The following TMEM108 variants were observed in gnomAD, a reference collection of about 807,000 sequenced individuals.
TMEM108 encodes the protein transmembrane protein 108, also known as cancer/testis antigen 124.
A neutral mutation model predicts 35.1 loss-of-function variants in TMEM108; 12 were observed. The ratio of observed to expected loss-of-function variants is 0.34; its 90% CI spans 0.22 to 0.55. The LOEUF is 0.55. Among genes scored for constraint, TMEM108 ranks in the 20% least tolerant of loss-of-function variants. The pLI, the probability that TMEM108 is intolerant of heterozygous loss-of-function variation, is 0.89. For missense variants in TMEM108, 680 were observed against 753.3 expected, an observed-to-expected ratio of 0.90 and a Z score of 1.14; for synonymous variants, 287 against 308.6, an observed-to-expected ratio of 0.93 and a Z score of 0.73.
At chr3:133,360,823 A>C (rs906087549) in intron 3 of TMEM108, among the ~76,000 whole-genome samples, 1 of 152,242 alleles carries the variant, frequency 6.6e-6, no homozygotes, top group African/African-American at 2.4e-5. Context: ...CCAGTGGGCT[A>C]TCTCCAGTTT....
chr3:133,393,502 G>A (rs1254763348), intron 5 of TMEM108, among the ~76,000 whole-genome samples: 1 of 152,172 alleles, frequency 6.6e-6, no homozygotes, highest in East Asian at 1.9e-4. Context: ...TATAAATGTT[G>A]TTCACCACAA....
intron 2 of TMEM108, among the ~76,000 whole-genome samples, chr3:133,130,392 G>T (rs1944475028): frequency 6.6e-6 from 1 of 152,200 alleles, no homozygotes; most frequent in Admixed American, 6.5e-5. Flanking sequence ...TGGCCTAGAG[G>T]CTGTGGGTTA....
intron 3 of TMEM108, among the ~76,000 whole-genome samples, chr3:133,323,831 TAAACCAATG>T (rs1390817788): frequency 1.6e-4 from 24 of 152,150 alleles, no homozygotes; most frequent in African/African-American, 5.8e-4. Context: ...AATAGCCACT[TAAACCAATG>T]AAACAGAATA....
chr3:133,088,406 T>G (rs1050155922), intron 2 of TMEM108, among the ~76,000 whole-genome samples: 2 of 151,812 alleles, frequency 1.3e-5, no homozygotes, highest in Admixed American at 1.3e-4. Context: ...GAAAACTGAG[T>G]GAAAGTGATA....
chr3:133,079,487 G>A (rs1366957383), intron 2 of TMEM108, among the ~76,000 whole-genome samples: 1 of 152,104 alleles, frequency 6.6e-6, no homozygotes, highest in Admixed American at 6.6e-5. Context: ...ATCTGATGAG[G>A]GTCCGCTTCT....
chr3:133,131,624 T>C (rs939371484), intron 2 of TMEM108, among the ~76,000 whole-genome samples: 2 of 151,390 alleles, frequency 1.3e-5, no homozygotes, highest in Non-Finnish European at 2.9e-5. Flanking sequence ...TCCCTCTCAT[T>C]GGGCCTCCCT....
At chr3:133,242,542 C>T (rs1441213456) in intron 3 of TMEM108, among the ~76,000 whole-genome samples, 1 of 152,134 alleles carries the variant, frequency 6.6e-6, no homozygotes, top group African/African-American at 2.4e-5. Context: ...TGTGTGGGGA[C>T]TGAGTGCTAT....
At chr3:133,085,127 C>A (rs1576310581) in intron 2 of TMEM108, among the ~76,000 whole-genome samples, 2 of 152,292 alleles carry the variant, frequency 1.3e-5, no homozygotes, top group African/African-American at 4.8e-5. Context: ...TTTTAAATCT[C>A]ATCTCTGCAA....
intron 3 of TMEM108, among the ~76,000 whole-genome samples, chr3:133,336,430 T>C (rs1160841538): frequency 6.6e-6 from 1 of 152,044 alleles, no homozygotes; most frequent in Non-Finnish European, 1.5e-5. Flanking sequence ...AGTCAGAGTA[T>C]GAGGCCCTCT....
intron 2 of TMEM108, among the ~76,000 whole-genome samples, chr3:133,078,175 A>G (rs1003275620): frequency 4.1e-5 from 1 of 24,324 alleles, no homozygotes; most frequent in South Asian, 9.6e-4. Flanking sequence ...GCGCGCGCGC[A>G]CACGTGTGTG....
intron 3 of TMEM108, among the ~76,000 whole-genome samples, chr3:133,289,850 C>T (rs144999106): frequency 6.8e-4 from 104 of 152,266 alleles, no homozygotes; most frequent in African/African-American, 2.5e-3. Context: ...GTTATGCCAC[C>T]TAAGATGTGG....
chr3:133,285,430 A>G lies in TMEM108; in HGVS notation c.40+56079A>G, dbSNP rs144070840. On this transcript the variant is annotated intron_variant, in intron 3 of 5. Coordinates refer to ENST00000321871, the MANE Select transcript of TMEM108 (RefSeq NM_023943.4). ...CCACCCTTCCTATTTAGTGGTTTTC[A>G]GTATTCTCCACTGGGACAGCAGTCT... Among the ~76,000 whole-genome samples the G allele has an allele frequency of 2.0e-3, 310 of 152,314 alleles. 4 individuals carry two copies. The highest frequency in any genetic ancestry group is 7.3e-3 in the African/African-American group (304 of 41,584).
intron 2 of TMEM108, among the ~76,000 whole-genome samples, chr3:133,086,495 A>AT (rs578016115): frequency 2.0e-5 from 3 of 152,154 alleles, no homozygotes; most frequent in Non-Finnish European, 4.4e-5. Context: ...TTCTATAAAT[A>AT]TTTTTATTGT....
At chr3:133,080,394 G>T (rs74839880) in intron 2 of TMEM108, among the ~76,000 whole-genome samples, 1 of 152,146 alleles carries the variant, frequency 6.6e-6, no homozygotes, top group African/African-American at 2.4e-5. Context: ...CAGAAACTAA[G>T]CCACTCATTT....
chr3:133,215,514 G>A (rs191059109), intron 2 of TMEM108, among the ~76,000 whole-genome samples: 3 of 152,186 alleles, frequency 2.0e-5, no homozygotes, highest in African/African-American at 4.8e-5. Flanking sequence ...CACTCTATGC[G>A]TGTCCACTAA....
chr3:133,243,988 A>C (rs1045936735), intron 3 of TMEM108, among the ~76,000 whole-genome samples: 6 of 152,146 alleles, frequency 3.9e-5, no homozygotes, highest in Non-Finnish European at 8.8e-5. Context: ...GATGAGTATC[A>C]AGCAAAACTC....
At chr3:133,249,136 G>C (rs1237937672) in intron 3 of TMEM108, among the ~76,000 whole-genome samples, 1 of 152,188 alleles carries the variant, frequency 6.6e-6, no homozygotes, top group Non-Finnish European at 1.5e-5. Flanking sequence ...AGTGCCAAAA[G>C]AAATATTCAC....
intron 3 of TMEM108, chr3:133,378,415 T>A (rs745839872): frequency 7.1e-6 from 7 of 985,356 alleles, no homozygotes; most frequent in Non-Finnish European, 8.4e-6. Flanking sequence ...CCTGCTGGAA[T>A]CTGATGGAGG....
chr3:133,373,427 TA>T (rs911566760), intron 3 of TMEM108, among the ~76,000 whole-genome samples: 4 of 143,580 alleles, frequency 2.8e-5, no homozygotes, highest in Admixed American at 2.2e-4. Flanking sequence ...GATAGATAGA[TA>T]GATAGATAGA....
Sources: allele counts gnomAD v4.1 joint callset (sites outside exome capture counted in the v4.1 genomes callset), GRCh38; gene constraint gnomAD v4.1.1; transcripts MANE v1.5; gene names NCBI Gene and HGNC (gene_info 2026-07-23, HGNC 2026-07-21).